The following SUPT3H variants were observed in gnomAD, a reference collection of about 807,000 sequenced individuals.
SUPT3H encodes SPT3 homolog, SAGA and STAGA complex component.
A neutral mutation model predicts 44.3 loss-of-function variants in SUPT3H; 44 were observed. The observed-to-expected ratio is 0.99, with a 90% CI of 0.78 to 1.28. SUPT3H has a LOEUF of 1.28. SUPT3H is among the 50% of genes most tolerant of loss of function. The pLI is 0.00. For missense variants in SUPT3H, 380 were observed against 387.1 expected, an observed-to-expected ratio of 0.98 and a Z score of 0.15; for synonymous variants, 124 against 125.6, an observed-to-expected ratio of 0.99 and a Z score of 0.09.
intron 2 of SUPT3H, among the ~76,000 whole-genome samples, chr6:45,259,259 T>C (rs1033733212): frequency 9.9e-5 from 15 of 151,920 alleles, no homozygotes; most frequent in South Asian, 6.2e-4. Context: ...TTCTTTTCAA[T>C]TGGGGGGGAG....
At chr6:44,898,786 T>C (rs1764507852) in intron 10 of SUPT3H, 1 of 152,318 alleles carries the variant, frequency 6.6e-6, no homozygotes, top group South Asian at 2.1e-4. Context: ...GCCTTTCACG[T>C]GCAGTGGCAG....
intron 2 of SUPT3H, among the ~76,000 whole-genome samples, chr6:45,172,559 A>G (rs1255415734): frequency 6.6e-6 from 1 of 151,414 alleles, no homozygotes; most frequent in Non-Finnish European, 1.5e-5. Context: ...ACAGGAAAAA[A>G]AAAGTCTGAA....
At chr6:45,010,994 A>C (rs1783404705) in intron 5 of SUPT3H, among the ~76,000 whole-genome samples, 1 of 151,924 alleles carries the variant, frequency 6.6e-6, no homozygotes, top group Non-Finnish European at 1.5e-5. Flanking sequence ...TTTCTCCTTT[A>C]TTCTGTTAAT....
chr6:45,122,701 T>G (rs1384237508), intron 2 of SUPT3H, among the ~76,000 whole-genome samples: 2 of 152,168 alleles, frequency 1.3e-5, no homozygotes, highest in Non-Finnish European at 2.9e-5. Context: ...AAAAAAATTT[T>G]GGGAGTATTG....
At chr6:45,339,558 T>C (rs1361607198) in intron 2 of SUPT3H, among the ~76,000 whole-genome samples, 2 of 152,118 alleles carry the variant, frequency 1.3e-5, no homozygotes, top group African/African-American at 2.4e-5. Flanking sequence ...TAACCAGTAA[T>C]ATTAATAAGA....
chr6:45,065,784 C>T lies in SUPT3H; in HGVS notation c.186+40138G>A, dbSNP rs995020606. 4.1e-3 allele frequency among the ~76,000 whole-genome samples: 616 copies of T among 151,826 alleles called. 7 individuals carry two copies. Among genetic ancestry groups the T allele is most frequent in the African/African-American group, 0.014 (577 of 41,350 alleles). On this transcript the variant is annotated intron_variant, in intron 3 of 10. Transcript: ENST00000371459. ...GGAAGAAGTTGAATCTCTGAATAGACCAATAACAGGAGCTGAAATTATGGC... is the reference window on the plus strand; with the variant it reads ...GGAAGAAGTTGAATCTCTGAATAGATCAATAACAGGAGCTGAAATTATGGC...
chr6:44,849,632 A>AAGAC (rs2153420848), intron 10 of SUPT3H, among the ~76,000 whole-genome samples: 1 of 152,358 alleles, frequency 6.6e-6, no homozygotes, highest in African/African-American at 2.4e-5. Context: ...GTCTTGCAGG[A>AAGAC]AGACAAGGAC....
At chr6:45,331,646 T>C (rs1787538813) in intron 2 of SUPT3H, among the ~76,000 whole-genome samples, 2 of 152,006 alleles carry the variant, frequency 1.3e-5, no homozygotes, top group East Asian at 1.9e-4. Flanking sequence ...CTGTTAAAGA[T>C]TTTTAGTTTT....
At chr6:45,227,787 T>A (rs1387448331) in intron 2 of SUPT3H, among the ~76,000 whole-genome samples, 2 of 152,192 alleles carry the variant, frequency 1.3e-5, no homozygotes, top group East Asian at 3.9e-4. Flanking sequence ...ATGATTAAAT[T>A]ATTCCTTAAT....
chr6:44,961,681 T>A (rs1776044976), intron 7 of SUPT3H, 72 bp downstream of exon 7: 1 of 1,201,650 alleles, frequency 8.3e-7, no homozygotes, highest in Non-Finnish European at 1.2e-6. Context: ...AAACAGATCC[T>A]GTCATACTTT....
chr6:45,223,791 A>C (rs1465921276), intron 2 of SUPT3H, among the ~76,000 whole-genome samples: 27 of 151,526 alleles, frequency 1.8e-4, no homozygotes, highest in Non-Finnish European at 1.3e-4. Context: ...TTGCAAATAT[A>C]AGTATAATCA....
At chr6:45,256,697 A>G (rs1206934419) in intron 2 of SUPT3H, among the ~76,000 whole-genome samples, 1 of 152,216 alleles carries the variant, frequency 6.6e-6, no homozygotes, top group Non-Finnish European at 1.5e-5. Context: ...GTAAAATAAT[A>G]TAGTGACTGG....
chr6:44,961,490 A>T (rs905389941), intron 7 of SUPT3H, among the ~76,000 whole-genome samples: 1 of 152,206 alleles, frequency 6.6e-6, no homozygotes, highest in African/African-American at 2.4e-5. Context: ...TTTTATGATT[A>T]AAAGTACTGT....
chr6:44,978,119 A>G (rs1778593652), intron 6 of SUPT3H, among the ~76,000 whole-genome samples: 1 of 152,186 alleles, frequency 6.6e-6, no homozygotes, highest in Non-Finnish European at 1.5e-5. Context: ...AAATCCTTTG[A>G]TTCTGATTCT....
At chr6:44,870,800 G>A (rs1443783856) in intron 10 of SUPT3H, among the ~76,000 whole-genome samples, 18 of 151,036 alleles carry the variant, frequency 1.2e-4, no homozygotes, top group Admixed American at 3.3e-4. Context: ...CGCACCCTGC[G>A]CGAGCTGAAG....
intron 1 of SUPT3H, among the ~76,000 whole-genome samples, 181 bp downstream of exon 1, chr6:45,377,587 C>A (rs1161606260): frequency 6.6e-6 from 1 of 152,150 alleles, no homozygotes; most frequent in Non-Finnish European, 1.5e-5. Flanking sequence ...CTCCCACAGC[C>A]GCCCTCCCTT....
At chr6:45,205,814 A>AC (rs113798335) in intron 2 of SUPT3H, among the ~76,000 whole-genome samples, 34,555 of 152,006 alleles carry the variant, frequency 0.23, 4,620 homozygotes, top group Non-Finnish European at 0.31. Flanking sequence ...ACAAAACAAA[A>AC]AAAAAAACCA....
chr6:45,313,710 C>T (rs1464472256), intron 2 of SUPT3H, among the ~76,000 whole-genome samples: 1 of 149,406 alleles, frequency 6.7e-6, no homozygotes, highest in Non-Finnish European at 1.5e-5. Flanking sequence ...TTCTACCAGA[C>T]ATTCAAAGAA....
intron 3 of SUPT3H, among the ~76,000 whole-genome samples, chr6:45,060,551 A>T (rs939206893): frequency 2.0e-5 from 3 of 152,156 alleles, no homozygotes; most frequent in Non-Finnish European, 4.4e-5. Context: ...TTCATGACAA[A>T]ACCACCAAAA....
Sources: allele counts gnomAD v4.1 joint callset (sites outside exome capture counted in the v4.1 genomes callset), GRCh38; gene constraint gnomAD v4.1.1; transcripts MANE v1.5; gene names NCBI Gene and HGNC (gene_info 2026-07-23, HGNC 2026-07-21).